SLC9C1: variants seen among roughly 807,000 people sequenced by gnomAD.
The protein encoded by SLC9C1 is sodium/hydrogen exchanger 10.
Under a neutral mutation model 140.9 loss-of-function variants are expected in SLC9C1, and 97 were observed. That is an observed-to-expected ratio of 0.69 (90% CI 0.58 to 0.82). The LOEUF (loss-of-function observed/expected upper bound fraction) is 0.82, where lower values mean the gene tolerates loss of function less well. SLC9C1 is among the 40% of genes least tolerant of loss of function. SLC9C1 has a pLI of 0.00. For missense variants in SLC9C1, 1,340 were observed against 1,389.3 expected, an observed-to-expected ratio of 0.96 and a Z score of 0.56; for synonymous variants, 440 against 442.6, an observed-to-expected ratio of 0.99 and a Z score of 0.07.
intron 15 of SLC9C1, among the ~76,000 whole-genome samples, chr3:112,212,237 A>T (rs1406881314): frequency 6.6e-6 from 1 of 152,230 alleles, no homozygotes; most frequent in Admixed American, 6.5e-5. Context: ...AAAAGTAGAT[A>T]AAACCACAAA....
intron 20 of SLC9C1, among the ~76,000 whole-genome samples, chr3:112,187,332 T>C (rs1000079085): frequency 1.3e-5 from 2 of 152,216 alleles, no homozygotes; most frequent in African/African-American, 4.8e-5. Context: ...GGTTTTCATC[T>C]AGTGTTTATG....
chr3:112,216,357 G>A (rs367897040), intron 15 of SLC9C1, among the ~76,000 whole-genome samples: 2 of 152,040 alleles, frequency 1.3e-5, no homozygotes, highest in African/African-American at 4.8e-5. Flanking sequence ...TTGACAAATG[G>A]GATCTAATTA....
intron 1 of SLC9C1, among the ~76,000 whole-genome samples, chr3:112,292,386 A>C (rs1330373320): frequency 6.6e-6 from 1 of 152,210 alleles, no homozygotes; most frequent in Non-Finnish European, 1.5e-5. Context: ...TATGTGATAA[A>C]TACCATTTGG....
At chr3:112,198,118 C>G (rs968227921) in intron 20 of SLC9C1, among the ~76,000 whole-genome samples, 7 of 151,996 alleles carry the variant, frequency 4.6e-5, no homozygotes, top group Non-Finnish European at 1.0e-4. Context: ...AATACCTACT[C>G]TACAGAAACA....
chr3:112,165,861 C>T (rs938518604), intron 26 of SLC9C1, among the ~76,000 whole-genome samples: 2 of 152,208 alleles, frequency 1.3e-5, no homozygotes, highest in Non-Finnish European at 2.9e-5. Flanking sequence ...ATGTCCTGCC[C>T]CCAGAGGTGG....
At chr3:112,144,456 C>T (rs147689448) in intron 28 of SLC9C1, among the ~76,000 whole-genome samples, 9 of 152,038 alleles carry the variant, frequency 5.9e-5, no homozygotes, top group East Asian at 1.9e-4. Context: ...CCACCACACC[C>T]GGCCATTTTT....
In SLC9C1 at chr3:112,234,125, C is replaced by A. The variant is rs575467144; in HGVS notation, c.1447-2639G>T. ...GTGTAAAAGTGCTCCTATTTCTCCA[C>A]ATCCCTCTCCAGCACCTGTTGTTTC... is the stretch of plus-strand genomic sequence containing the variant. On this transcript the variant is annotated intron_variant, in intron 12 of 28. Transcript: ENST00000305815. Among the ~76,000 whole-genome samples, 8 of 152,306 alleles carry A rather than the reference C, an allele frequency of 5.3e-5. No individual in the cohort carries two copies. In the South Asian group the frequency reaches 1.2e-3, roughly 24 times the overall value.
intron 15 of SLC9C1, among the ~76,000 whole-genome samples, chr3:112,214,279 T>A (rs1406170123): frequency 6.6e-6 from 1 of 152,096 alleles, no homozygotes; most frequent in East Asian, 1.9e-4. Flanking sequence ...ATTGACACCC[T>A]AACATCACAA....
At chr3:112,246,967 C>T (rs2079303077) in intron 10 of SLC9C1, among the ~76,000 whole-genome samples, 1 of 152,156 alleles carries the variant, frequency 6.6e-6, no homozygotes. Flanking sequence ...GAGGTTTCTT[C>T]CCCATTTTCC....
At chr3:112,147,263 G>T (rs193259752) in intron 28 of SLC9C1, among the ~76,000 whole-genome samples, 2 of 152,132 alleles carry the variant, frequency 1.3e-5, no homozygotes, top group Non-Finnish European at 2.9e-5. Context: ...TGCCTTTTAC[G>T]TGGGGGTGTT....
chr3:112,155,053 A>AC lies in SLC9C1; in HGVS notation c.3365-5_3365-4insG. 2.0e-6 allele frequency: 3 copies of AC among 1,488,672 alleles called. No individual in the cohort carries two copies. Among genetic ancestry groups the AC allele is most frequent in the Non-Finnish European group, 2.7e-6 (3 of 1,114,244 alleles). 92.2% of individuals were successfully genotyped at this position (1,488,672 alleles called of 1,614,324 possible). A position where few individuals can be genotyped will look rare whatever the true frequency, so the allele number is the denominator to read the frequency against. ...TCTTCCAATGTTCCAACTGAACCTG[A>AC]TTAAAAAAAAAAAAAACAGTGTTAA... is the stretch of plus-strand genomic sequence containing the variant. On this transcript the variant is annotated splice_polypyrimidine_tract_variant and splice_region_variant and intron_variant, in intron 26 of 28. Coordinates refer to ENST00000305815, the MANE Select transcript of SLC9C1 (RefSeq NM_183061.3).
chr3:112,203,177 C>A (rs947615982), intron 17 of SLC9C1, among the ~76,000 whole-genome samples: 1 of 151,978 alleles, frequency 6.6e-6, no homozygotes, highest in Non-Finnish European at 1.5e-5. Context: ...GGGGAAGAGA[C>A]AATATCTAAT....
chr3:112,150,797 T>C (rs1334939760), intron 28 of SLC9C1, among the ~76,000 whole-genome samples: 3 of 27,822 alleles, frequency 1.1e-4, no homozygotes, highest in Non-Finnish European at 2.9e-4. Context: ...CATATACATA[T>C]ATATATATAT....
At chr3:112,242,751 T>G (rs922518391) in intron 11 of SLC9C1, among the ~76,000 whole-genome samples, 2 of 152,140 alleles carry the variant, frequency 1.3e-5, no homozygotes, top group Non-Finnish European at 2.9e-5. Flanking sequence ...AATTGATTAT[T>G]ACACATTCTA....
intron 20 of SLC9C1, among the ~76,000 whole-genome samples, chr3:112,192,948 T>C (rs1032653320): frequency 6.6e-6 from 1 of 152,220 alleles, no homozygotes; most frequent in Non-Finnish European, 1.5e-5. Flanking sequence ...GGTGGAACAA[T>C]TGCCTCTTTG....
chr3:112,172,987 G>A (rs558200726), intron 23 of SLC9C1, among the ~76,000 whole-genome samples: 2 of 151,808 alleles, frequency 1.3e-5, no homozygotes, highest in African/African-American at 4.8e-5. Context: ...CATTAATGTG[G>A]GATTATTGGT....
At chr3:112,186,295 CT>C (rs1253044377) in intron 20 of SLC9C1, among the ~76,000 whole-genome samples, 5 of 152,134 alleles carry the variant, frequency 3.3e-5, no homozygotes, top group South Asian at 4.2e-4. Context: ...TGAAAATTCT[CT>C]TATGTCACCT....
At chr3:112,212,877 G>C (rs1435977020) in intron 15 of SLC9C1, among the ~76,000 whole-genome samples, 1 of 152,102 alleles carries the variant, frequency 6.6e-6, no homozygotes, top group Non-Finnish European at 1.5e-5. Flanking sequence ...TACTCCTCAA[G>C]AAGAACAACC....
At chr3:112,209,805 C>T (rs2078153048) in intron 15 of SLC9C1, among the ~76,000 whole-genome samples, 1 of 151,998 alleles carries the variant, frequency 6.6e-6, no homozygotes, top group Admixed American at 6.6e-5. Flanking sequence ...GTGCTCAAAA[C>T]AACAAAACAT....
Sources: gnomAD v4.1 joint callset for allele counts (sites outside exome capture counted in the v4.1 genomes callset) on GRCh38, gnomAD v4.1.1 for gene constraint, MANE v1.5 for transcripts, NCBI Gene and HGNC (gene_info 2026-07-23, HGNC 2026-07-21) for gene names.